The following LARS1 variants were observed in gnomAD, a reference collection of about 807,000 sequenced individuals.
LARS1 encodes the protein leucyl-tRNA synthetase 1.
A neutral mutation model predicts 162.8 loss-of-function variants in LARS1; 100 were observed. That is an observed-to-expected ratio of 0.61 (90% CI 0.52 to 0.73). The LOEUF (loss-of-function observed/expected upper bound fraction) is 0.73, where lower values mean the gene tolerates loss of function less well. LARS1 is among the 30% of genes least tolerant of loss of function. The pLI, the probability that LARS1 is intolerant of heterozygous loss-of-function variation, is 0.00. For missense variants in LARS1, 1,258 were observed against 1,408.9 expected, an observed-to-expected ratio of 0.89 and a Z score of 1.71; for synonymous variants, 457 against 462.8, an observed-to-expected ratio of 0.99 and a Z score of 0.16.
At chr5:146,169,672 C>T (rs554880552) in intron 4 of LARS1, among the ~76,000 whole-genome samples, 9 of 152,020 alleles carry the variant, frequency 5.9e-5, no homozygotes, top group East Asian at 1.9e-4. Context: ...ACATAGCCTC[C>T]GAAGTAGCTG....
At chr5:146,132,846 C>T in intron 23 of LARS1, 52 bp downstream of exon 23, 1 of 1,345,442 alleles carries the variant, frequency 7.4e-7, no homozygotes, top group Non-Finnish European at 1.0e-6. Context: ...AACAAAAATG[C>T]ACCAGGACTA....
intron 7 of LARS1, 54 bp downstream of exon 7, chr5:146,160,320 G>A: frequency 2.1e-6 from 2 of 971,064 alleles, no homozygotes; most frequent in Non-Finnish European, 1.5e-6. Context: ...ACAGGCGTGA[G>A]CCTCTGTGCC....
intron 21 of LARS1, chr5:146,139,650 A>G (rs1028473178): frequency 7.2e-5 from 11 of 152,546 alleles, no homozygotes; most frequent in African/African-American, 2.7e-4. Flanking sequence ...CTGAGGGCAG[A>G]TCATGAGATC....
intron 2 of LARS1, among the ~76,000 whole-genome samples, chr5:146,174,166 A>AAAAAG (rs61695003): frequency 4.3e-5 from 6 of 139,046 alleles, no homozygotes; most frequent in Non-Finnish European, 9.6e-5. Flanking sequence ...AAAAAAAAAA[A>AAAAAG]GGCTGGGGCC....
chr5:146,124,959 T>A (rs748838100), intron 28 of LARS1, among the ~76,000 whole-genome samples: 8 of 151,682 alleles, frequency 5.3e-5, no homozygotes, highest in Non-Finnish European at 1.0e-4. Flanking sequence ...CAAATTTAAA[T>A]GAGATCCTAA....
In LARS1 at chr5:146,124,019, A is replaced by G. The variant is rs1264908503; in HGVS notation, c.3059T>C (p.Leu1020Pro). ...AGTCAGATAGACTATATTCTCCATA[A>G]GCACAGCCTTTTCATCAAATTCTAA... ...LQLEFDEKAVLMENIVYLTNS... is the reference protein window; with the variant it reads ...LQLEFDEKAVPMENIVYLTNS... Residue 1020 changes from leucine to proline, a missense_variant, in exon 29 of 32, where the codon CTT becomes CCT. Coordinates refer to ENST00000394434, the MANE Select transcript of LARS1 (RefSeq NM_020117.11). 1.9e-6 allele frequency: 3 copies of G among 1,610,616 alleles called. No homozygotes were observed. Among genetic ancestry groups the G allele is most frequent in the Non-Finnish European group, 2.5e-6 (3 of 1,177,740 alleles).
At chr5:146,151,695 T>C (rs147552897) in intron 14 of LARS1, among the ~76,000 whole-genome samples, 167 bp downstream of exon 14, 1 of 152,286 alleles carries the variant, frequency 6.6e-6, no homozygotes, top group African/African-American at 2.4e-5. Context: ...GCAAAGGACA[T>C]GATAAAAACA....
At chr5:146,159,378 A>G (rs768280360) in intron 8 of LARS1, 29 bp downstream of exon 8, 3 of 1,545,740 alleles carry the variant, frequency 1.9e-6, no homozygotes, top group Non-Finnish European at 2.7e-6. Context: ...GGATTATTAT[A>G]ATAGCTACTC....
chr5:146,174,986 G>C (rs2939535), intron 2 of LARS1, among the ~76,000 whole-genome samples: 7 of 151,832 alleles, frequency 4.6e-5, no homozygotes, highest in Non-Finnish European at 1.0e-4. Flanking sequence ...TTGGGAGGCC[G>C]GGGTGGGCAG....
At position 146,120,966 on chromosome 5, in the gene LARS1, T is replaced by C. The variant is rs181514287; in HGVS notation, c.3193-463A>G. Among the ~76,000 whole-genome samples, 63 of 152,322 alleles carry C rather than the reference T, an allele frequency of 4.1e-4. 1 individual carries two copies. The East Asian group carries it at 0.011, about 26-fold the overall frequency. The stretch of plus-strand genomic sequence containing the variant: ...TCAACATAAACCTATGTTGTACTTA[T>C]AGAAGCTACATAGTCCAGAACCCTG... On this transcript the variant is annotated intron_variant, in intron 30 of 31. Transcript: ENST00000394434.
At chr5:146,149,583 T>A (rs1166914721) in intron 15 of LARS1, 39 bp downstream of exon 15, 3 of 1,395,082 alleles carry the variant, frequency 2.2e-6, no homozygotes, top group Non-Finnish European at 1.0e-6. Flanking sequence ...TATTAACAGC[T>A]CTTCTAAAAC....
In LARS1 at chr5:146,153,653, C is replaced by T. The variant is rs1301041321; in HGVS notation, c.1230+81G>A. 6.8e-6 allele frequency: 7 copies of T among 1,036,776 alleles called. No individual in the cohort carries two copies. The Admixed American group carries it at 1.1e-4, about 16-fold the overall frequency. The allele number at this position is 1,036,776 out of a possible 1,614,324, so 64.2% of individuals were successfully genotyped here. ...AAAGATAAATGCATAGCTTTTTAGC[C>T]TAGTCCCACAGCGTAGTTCAGCAGC... On this transcript the variant is annotated intron_variant, in intron 12 of 31. Coordinates refer to ENST00000394434, the MANE Select transcript of LARS1 (RefSeq NM_020117.11).
chr5:146,120,537 T>G (rs1751773472), intron 30 of LARS1, 34 bp from the exon 31 acceptor site: 1 of 1,598,568 alleles, frequency 6.3e-7, no homozygotes, highest in African/African-American at 1.3e-5. Flanking sequence ...TTGTTTAACT[T>G]GAATACTGCT....
rs188970290 is a variant in LARS1 at position 146,115,041 on chromosome 5, G to A, written c.3326-730C>T. Reference sequence around the variant, plus strand: ...CCTGGCAACAGAGCAAGATTCTGTCGGGGGGAAAAAAAAAAAAAAAAAAAA... The same window carrying A: ...CCTGGCAACAGAGCAAGATTCTGTCAGGGGGAAAAAAAAAAAAAAAAAAAA... On this transcript the variant is annotated intron_variant, in intron 31 of 31. Transcript: ENST00000394434. Among the ~76,000 whole-genome samples the A allele has an allele frequency of 2.1e-3, 228 of 107,482 alleles. 2 individuals carry two copies. The highest frequency in any genetic ancestry group is 8.8e-3 in the African/African-American group (213 of 24,182). The allele number at this position is 107,482 out of a possible 152,430, so 70.5% of individuals were successfully genotyped here.
rs1581014319 is a variant in LARS1 at position 146,128,505 on chromosome 5, TCCA to T, written c.2880+164_2880+166del. ...GAAAACAGCAGCTTTTCCCTCAGCA[TCCA>T]TTTAAGAGCCACCAAGAATAACAAA... On this transcript the variant is annotated intron_variant, in intron 27 of 31. Coordinates refer to ENST00000394434, the MANE Select transcript of LARS1 (RefSeq NM_020117.11). Among the ~76,000 whole-genome samples the T allele has an allele frequency of 4.0e-5, 6 of 151,182 alleles. No homozygotes were observed. The East Asian group carries it at 1.2e-3, about 29-fold the overall frequency.
At chr5:146,157,906 T>A in intron 8 of LARS1, 111 bp from the exon 9 acceptor site, 1 of 1,035,482 alleles carries the variant, frequency 9.7e-7, no homozygotes, top group Non-Finnish European at 1.5e-6. Context: ...CTTGCATTAT[T>A]AATTTTTTTT....
At chr5:146,115,044 G>GA in intron 31 of LARS1, among the ~76,000 whole-genome samples, 1 of 125,362 alleles carries the variant, frequency 8.0e-6, no homozygotes, top group African/African-American at 3.2e-5. Context: ...TTCTGTCGGG[G>GA]GGAAAAAAAA....
chr5:146,170,784 C>G (rs953278328), intron 4 of LARS1, among the ~76,000 whole-genome samples: 1 of 150,640 alleles, frequency 6.6e-6, no homozygotes, highest in Admixed American at 6.6e-5. Context: ...TACCTGAGGT[C>G]AGGAGTTTGA....
chr5:146,175,507 AC>A (rs959971491), intron 2 of LARS1, among the ~76,000 whole-genome samples: 1 of 139,822 alleles, frequency 7.2e-6, no homozygotes, highest in African/African-American at 2.7e-5. Flanking sequence ...ATGCCACTGC[AC>A]CCAGCCTAGG....
Sources: allele counts gnomAD v4.1 joint callset (sites outside exome capture counted in the v4.1 genomes callset), GRCh38; gene constraint gnomAD v4.1.1; transcripts MANE v1.5; gene names NCBI Gene and HGNC (gene_info 2026-07-23, HGNC 2026-07-21).